The following UBTD2 variants were observed in gnomAD, a reference collection of about 807,000 sequenced individuals.
UBTD2 encodes the protein ubiquitin domain-containing protein 2.
Under a neutral mutation model 19.8 loss-of-function variants are expected in UBTD2, and 9 were observed. That is an observed-to-expected ratio of 0.46 (90% confidence interval 0.27 to 0.79). The LOEUF is 0.79. Ranked by LOEUF, UBTD2 falls within the 30% of genes least tolerant of loss-of-function variation. The pLI is 0.14. For synonymous variants in UBTD2, 98 were observed against 103.9 expected, an observed-to-expected ratio of 0.94 and a Z score of 0.35; for missense variants, 250 against 300.4, an observed-to-expected ratio of 0.83 and a Z score of 1.24.
chr5:172,240,634 A>C (rs1349588572), intron 1 of UBTD2, among the ~76,000 whole-genome samples: 1 of 152,040 alleles, frequency 6.6e-6, no homozygotes, highest in South Asian at 2.1e-4. Flanking sequence ...TTTTCCCCCC[A>C]CTTTTTTTTT....
chr5:172,268,107 C>A (rs1755411428), intron 1 of UBTD2, among the ~76,000 whole-genome samples: 1 of 152,038 alleles, frequency 6.6e-6, no homozygotes, highest in African/African-American at 2.4e-5. Flanking sequence ...AGTCTCTGCC[C>A]CAGGTCCAAT....
intron 1 of UBTD2, among the ~76,000 whole-genome samples, chr5:172,247,589 C>T (rs748563343): frequency 3.3e-5 from 5 of 152,088 alleles, no homozygotes; most frequent in Non-Finnish European, 5.9e-5. Context: ...GACTTTAAGA[C>T]AAACATTTTT....
chr5:172,273,608 AAAAAAAAAAAAG>A (rs768994396), intron 1 of UBTD2, among the ~76,000 whole-genome samples: 3,859 of 72,660 alleles, frequency 0.053, 181 homozygotes, highest in African/African-American at 0.14. Context: ...AAAAAAAAAA[AAAAAAAAAAAAG>A]GCTTTCCAAC....
At chr5:172,224,427 A>G (rs540335880) in intron 2 of UBTD2, among the ~76,000 whole-genome samples, 1 of 151,236 alleles carries the variant, frequency 6.6e-6, no homozygotes, top group African/African-American at 2.4e-5. Context: ...GGCTCCTGAG[A>G]TTACAGGTAT....
At chr5:172,242,652 C>T (rs2113034546) in intron 1 of UBTD2, among the ~76,000 whole-genome samples, 1 of 152,284 alleles carries the variant, frequency 6.6e-6, no homozygotes, top group Non-Finnish European at 1.5e-5. Flanking sequence ...AGTTTGGCTA[C>T]TTGGTTAAGG....
At chr5:172,231,707 C>T (rs1408452705) in intron 2 of UBTD2, among the ~76,000 whole-genome samples, 1 of 152,176 alleles carries the variant, frequency 6.6e-6, no homozygotes, top group Non-Finnish European at 1.5e-5. Flanking sequence ...CACAATCACA[C>T]ATACATGACT....
chr5:172,228,022 A>G lies in UBTD2; in HGVS notation c.307+6100T>C, dbSNP rs189682237. Among the ~76,000 whole-genome samples the G allele has an allele frequency of 2.0e-5, 3 of 152,292 alleles. No individual in the cohort carries two copies. In the East Asian group the frequency reaches 5.8e-4, roughly 29 times the overall value. On this transcript the variant is annotated intron_variant, in intron 2 of 2. Transcript: ENST00000393792. The stretch of plus-strand genomic sequence containing the variant: ...ACCTTTAAAGTCCACACCAAAATTC[A>G]TGGCCTGCTTCTTAATGGGCCTCTG...
intron 1 of UBTD2, among the ~76,000 whole-genome samples, chr5:172,256,218 C>A (rs1755145572): frequency 2.0e-5 from 3 of 152,086 alleles, no homozygotes; most frequent in African/African-American, 4.8e-5. Context: ...ATCAGTAAAG[C>A]CACTCTATTA....
chr5:172,221,713 T>C (rs550527654), intron 2 of UBTD2, among the ~76,000 whole-genome samples: 1 of 152,244 alleles, frequency 6.6e-6, no homozygotes, highest in South Asian at 2.1e-4. Flanking sequence ...CAGGGATGAA[T>C]AGGTAGAACA....
intron 2 of UBTD2, among the ~76,000 whole-genome samples, chr5:172,225,933 C>CTT (rs57155195): frequency 0.2 from 21,268 of 105,704 alleles, 2,396 homozygotes; most frequent in South Asian, 0.26. Context: ...GGCTTAAACT[C>CTT]TTTTTTTTTT....
At chr5:172,276,678 T>G (rs1014572267) in intron 1 of UBTD2, among the ~76,000 whole-genome samples, 8 of 151,746 alleles carry the variant, frequency 5.3e-5, no homozygotes, top group African/African-American at 1.9e-4. Flanking sequence ...TTTGTAAGGT[T>G]CATTATTGGG....
chr5:172,211,992 C>A lies in UBTD2; in HGVS notation c.543G>T (p.Leu181Phe). The change falls in exon 3 of 3, where the codon TTG (leucine) becomes TTT (phenylalanine). Residue 181 changes from leucine (L) to phenylalanine (F), a missense_variant. Coordinates refer to ENST00000393792, the MANE Select transcript of UBTD2 (RefSeq NM_152277.3). ...CTGGTTCCACTCCCTCTGCTGCATG[C>A]AACCGTCTCTTCATGTGGAATACTG... ...TDTVFHMKRR[L>F]HAAEGVEPGS... 1 of 1,614,238 alleles carries A rather than the reference C, an allele frequency of 6.2e-7. No individual in the cohort carries two copies. Among genetic ancestry groups the A allele is most frequent in the Non-Finnish European group, 8.5e-7 (1 of 1,180,044 alleles).
chr5:172,240,845 G>A (rs1024933312), intron 1 of UBTD2, among the ~76,000 whole-genome samples: 1 of 152,108 alleles, frequency 6.6e-6, no homozygotes, highest in South Asian at 2.1e-4. Flanking sequence ...CAGCACTTTG[G>A]AAGGCCAAGG....
chr5:172,262,862 G>C (rs1464369690), intron 1 of UBTD2, among the ~76,000 whole-genome samples: 1 of 152,108 alleles, frequency 6.6e-6, no homozygotes, highest in African/African-American at 2.4e-5. Context: ...TCTATAAATT[G>C]TATTTGTGAA....
At chr5:172,280,307 A>C (rs950405318) in intron 1 of UBTD2, among the ~76,000 whole-genome samples, 2 of 151,986 alleles carry the variant, frequency 1.3e-5, no homozygotes, top group Admixed American at 1.3e-4. Flanking sequence ...CAGGAGTTCA[A>C]GACCAGCCAG....
chr5:172,276,426 C>T (rs749500351), intron 1 of UBTD2, among the ~76,000 whole-genome samples: 8 of 152,144 alleles, frequency 5.3e-5, no homozygotes, highest in Admixed American at 1.3e-4. Flanking sequence ...CAACGATTAC[C>T]CCATGCATGT....
intron 1 of UBTD2, among the ~76,000 whole-genome samples, chr5:172,279,969 C>G (rs941009906): frequency 6.6e-6 from 1 of 152,034 alleles, no homozygotes; most frequent in Admixed American, 6.6e-5. Context: ...GGCACGGTGG[C>G]GCACGCCGGT....
chr5:172,284,054 C>A (rs1052971708), upstream of UBTD2: 2 of 149,736 alleles, frequency 1.3e-5, no homozygotes, highest in Admixed American at 1.3e-4. Context: ...GACCCATCGG[C>A]CCCCGGCCCG....
chr5:172,264,748 C>T (rs912255557), intron 1 of UBTD2, among the ~76,000 whole-genome samples: 4 of 151,806 alleles, frequency 2.6e-5, no homozygotes, highest in South Asian at 2.1e-4. Context: ...TAGTGGCATG[C>T]GCCTATAGTC....
Sources: gnomAD v4.1 joint callset for allele counts (sites outside exome capture counted in the v4.1 genomes callset) on GRCh38, gnomAD v4.1.1 for gene constraint, MANE v1.5 for transcripts, NCBI Gene and HGNC (gene_info 2026-07-23, HGNC 2026-07-21) for gene names.